GLT8D2: variants seen among roughly 807,000 people sequenced by gnomAD.
GLT8D2 encodes glycosyltransferase 8 domain containing 2.
Under a neutral mutation model 44.5 loss-of-function variants are expected in GLT8D2, and 45 were observed. The observed-to-expected ratio is 1.01, with a 90% CI of 0.80 to 1.30. GLT8D2 has a LOEUF of 1.30. Ranked by LOEUF, GLT8D2 falls within the 50% of genes most tolerant of loss-of-function variation. The pLI, the probability that GLT8D2 is intolerant of heterozygous loss-of-function variation, is 0.00. For missense variants in GLT8D2, 400 were observed against 430.4 expected (o/e 0.93, Z 0.62); for synonymous variants, 156 against 157.2 (o/e 0.99, Z 0.06).
chr12:104,044,726 T>C (rs535735667), intron 1 of GLT8D2, among the ~76,000 whole-genome samples: 4 of 152,392 alleles, frequency 2.6e-5, no homozygotes, highest in African/African-American at 9.6e-5. Context: ...ACGGCCATAG[T>C]AACTTTTTTG....
chr12:104,018,886 T>C (rs1174601134), intron 3 of GLT8D2, among the ~76,000 whole-genome samples: 1 of 152,222 alleles, frequency 6.6e-6, no homozygotes, highest in Non-Finnish European at 1.5e-5. Context: ...TAGGTTACTA[T>C]GTTTCTCCTC....
chr12:104,024,811 C>T (rs148773722), intron 1 of GLT8D2, among the ~76,000 whole-genome samples: 116 of 152,244 alleles, frequency 7.6e-4, no homozygotes, highest in Middle Eastern at 3.4e-3. Context: ...TGGCTCATGC[C>T]TGTAATCCCA....
chr12:104,001,298 T>C (rs1874185532), intron 5 of GLT8D2, among the ~76,000 whole-genome samples: 1 of 152,244 alleles, frequency 6.6e-6, no homozygotes, highest in East Asian at 1.9e-4. Context: ...TTCAGCACTT[T>C]GAAATGTTTT....
chr12:104,018,534 A>C (rs1032562022), intron 3 of GLT8D2, among the ~76,000 whole-genome samples: 3 of 152,182 alleles, frequency 2.0e-5, no homozygotes, highest in African/African-American at 7.2e-5. Context: ...GAAAATGGAC[A>C]GAAAATGGAC....
At chr12:104,052,583 C>G (rs1881812153), upstream of GLT8D2, among the ~76,000 whole-genome samples, 1 of 152,150 alleles carries the variant, frequency 6.6e-6, no homozygotes, top group Non-Finnish European at 1.5e-5. Flanking sequence ...CCACATTGGT[C>G]ATCCTTCAGC....
chr12:104,021,788 A>G (rs1317485425), intron 1 of GLT8D2, among the ~76,000 whole-genome samples: 3 of 150,514 alleles, frequency 2.0e-5, no homozygotes, highest in Non-Finnish European at 4.4e-5. Flanking sequence ...GTTTTAAAAA[A>G]GAAAAAGAAA....
At chr12:104,061,348 A>T (rs1882629565) in intron 1 of GLT8D2, among the ~76,000 whole-genome samples, 1 of 152,198 alleles carries the variant, frequency 6.6e-6, no homozygotes, top group Admixed American at 6.5e-5. Context: ...TTTAAATTTG[A>T]AGTTCAACAT....
chr12:104,030,002 A>G (rs1275824227), intron 1 of GLT8D2, among the ~76,000 whole-genome samples: 4 of 152,238 alleles, frequency 2.6e-5, no homozygotes, highest in Admixed American at 6.5e-5. Context: ...CCTAAAATGC[A>G]TATGGAACCG....
chr12:104,006,514 G>C (rs1395786685), intron 4 of GLT8D2, among the ~76,000 whole-genome samples: 1 of 152,172 alleles, frequency 6.6e-6, no homozygotes, highest in Non-Finnish European at 1.5e-5. Flanking sequence ...ACTCCTCCCA[G>C]ATTTGCACAT....
At chr12:104,003,078 G>T in intron 5 of GLT8D2, 57 bp downstream of exon 5, 1 of 1,373,048 alleles carries the variant, frequency 7.3e-7, no homozygotes, top group Non-Finnish European at 1.0e-6. Context: ...GAGGGAGGGA[G>T]GGAAGGAGAG....
intron 1 of GLT8D2, among the ~76,000 whole-genome samples, chr12:104,056,210 T>G (rs574951375): frequency 6.6e-6 from 1 of 152,356 alleles, no homozygotes; most frequent in South Asian, 2.1e-4. Context: ...GCTGGAGCCC[T>G]GCAATCTGTA....
At chr12:104,002,855 G>C (rs1017424713) in intron 5 of GLT8D2, among the ~76,000 whole-genome samples, 2 of 152,144 alleles carry the variant, frequency 1.3e-5, no homozygotes, top group Non-Finnish European at 2.9e-5. Flanking sequence ...GGAAACAGAA[G>C]GATTGCTTGA....
chr12:104,014,294 G>A (rs1483800352), intron 4 of GLT8D2: 2 of 700,724 alleles, frequency 2.9e-6, no homozygotes, highest in Non-Finnish European at 5.2e-6. Flanking sequence ...GGTCGAGGCT[G>A]CAGGGAGCTG....
At chr12:104,062,359 C>T (rs1882731660) in intron 1 of GLT8D2, among the ~76,000 whole-genome samples, 1 of 152,040 alleles carries the variant, frequency 6.6e-6, no homozygotes, top group South Asian at 2.1e-4. Context: ...AGGTGTGAGC[C>T]ACCGCACCCG....
intron 4 of GLT8D2, among the ~76,000 whole-genome samples, chr12:104,006,613 C>T (rs1875046390): frequency 1.3e-5 from 2 of 152,150 alleles, no homozygotes; most frequent in Admixed American, 6.5e-5. Flanking sequence ...ACCTACTAAT[C>T]CCAGAATCCA....
Position 103,989,293 on chromosome 12 carries a change from TA to T in GLT8D2, c.*114del. On this transcript the variant is annotated 3_prime_UTR_variant, in exon 11 of 11. Transcript: ENST00000360814. Reference sequence around the variant, plus strand: ...TTTGCACACAGTAGTTTTTGGTTTTTATATTGTGGATCATATGTATCAAAGG... The same window carrying T: ...TTTGCACACAGTAGTTTTTGGTTTTTTATTGTGGATCATATGTATCAAAGG... 1 of 937,752 alleles carries T rather than the reference TA, an allele frequency of 1.1e-6. No homozygotes were observed. Among genetic ancestry groups the T allele is most frequent in the East Asian group, 2.6e-5 (1 of 38,018 alleles). The allele number at this position is 937,752 out of a possible 1,614,324, so 58.1% of individuals were successfully genotyped here.
chr12:104,036,015 C>T (rs886233925), intron 1 of GLT8D2, among the ~76,000 whole-genome samples: 2 of 152,148 alleles, frequency 1.3e-5, no homozygotes, highest in Non-Finnish European at 2.9e-5. Context: ...GGGCAATATT[C>T]AACATTCTTA....
intron 5 of GLT8D2, among the ~76,000 whole-genome samples, chr12:104,002,929 A>G (rs908920198): frequency 2.0e-5 from 3 of 152,140 alleles, no homozygotes; most frequent in Non-Finnish European, 4.4e-5. Context: ...TCTGAGCAAC[A>G]GAGCAAGATC....
At chr12:104,061,961 G>C (rs1360968696) in intron 1 of GLT8D2, among the ~76,000 whole-genome samples, 2 of 125,012 alleles carry the variant, frequency 1.6e-5, no homozygotes, top group East Asian at 2.9e-4. Flanking sequence ...TGGGCAACAA[G>C]AGCAAAACTC....
Sources: allele counts gnomAD v4.1 joint callset (sites outside exome capture counted in the v4.1 genomes callset), GRCh38; gene constraint gnomAD v4.1.1; transcripts MANE v1.5; gene names NCBI Gene and HGNC (gene_info 2026-07-23, HGNC 2026-07-21).